LARP4: variants seen among roughly 807,000 people sequenced by gnomAD.
The protein encoded by LARP4 is La ribonucleoprotein 4.
A neutral mutation model predicts 92.9 loss-of-function variants in LARP4; 29 were observed. That is an observed-to-expected ratio of 0.31 (90% CI 0.23 to 0.43). LARP4 has a LOEUF of 0.43. Among genes scored for constraint, LARP4 ranks in the 20% least tolerant of loss-of-function variants. The probability of loss-of-function intolerance (pLI) is 1.00; values close to 1 mark genes in which losing one functional copy is unlikely to be tolerated. For missense variants in LARP4, 732 were observed against 860.0 expected (o/e 0.85, Z 1.86); for synonymous variants, 279 against 284.1 (o/e 0.98, Z 0.18).
At chr12:50,443,738 C>A (rs1036421571) in intron 8 of LARP4, among the ~76,000 whole-genome samples, 1 of 152,094 alleles carries the variant, frequency 6.6e-6, no homozygotes, top group Non-Finnish European at 1.5e-5. Flanking sequence ...CAGCCTCCGG[C>A]GTAGCTGGGG....
chr12:50,411,683 C>G lies in LARP4; in HGVS notation c.18+10655C>G, dbSNP rs377278202. Among the ~76,000 whole-genome samples, 95 of 149,394 alleles carry G rather than the reference C, an allele frequency of 6.4e-4. 1 individual carries two copies. The South Asian group carries it at 0.018, about 28-fold the overall frequency. Reference sequence around the variant, plus strand: ...TTTTCTATATTCATTTTTGTTTTTTCTTTTTTCTTTTTTTTGAGATGGAGT... The same window carrying G: ...TTTTCTATATTCATTTTTGTTTTTTGTTTTTTCTTTTTTTTGAGATGGAGT... On this transcript the variant is annotated intron_variant, in intron 1 of 15. Transcript: ENST00000398473.
chr12:50,417,478 C>T (rs1057371130), intron 1 of LARP4, among the ~76,000 whole-genome samples: 2 of 152,100 alleles, frequency 1.3e-5, no homozygotes, highest in Non-Finnish European at 2.9e-5. Context: ...GTCTTCCTCC[C>T]TGAGCTAATT....
intron 12 of LARP4, 122 bp downstream of exon 12, chr12:50,462,752 T>C (rs1227115090): frequency 4.5e-6 from 3 of 661,268 alleles, no homozygotes; most frequent in East Asian, 5.7e-5. Flanking sequence ...CAAAGGTAAA[T>C]AGAGCCTAAA....
chr12:50,409,620 A>C (rs976138551), intron 1 of LARP4, among the ~76,000 whole-genome samples: 2 of 152,008 alleles, frequency 1.3e-5, no homozygotes, highest in African/African-American at 4.8e-5. Flanking sequence ...AAAAAAAATT[A>C]GGCGGGTATA....
chr12:50,470,251 G>A (rs528023390), intron 13 of LARP4, among the ~76,000 whole-genome samples: 5 of 151,868 alleles, frequency 3.3e-5, no homozygotes, highest in Non-Finnish European at 7.4e-5. Flanking sequence ...TTAATCAGAA[G>A]CTATTTTAGT....
chr12:50,442,141 T>G (rs1951311507), intron 8 of LARP4, among the ~76,000 whole-genome samples: 1 of 152,206 alleles, frequency 6.6e-6, no homozygotes, highest in South Asian at 2.1e-4. Flanking sequence ...GTACAGCAAT[T>G]CTTTACAAAG....
intron 15 of LARP4, among the ~76,000 whole-genome samples, chr12:50,474,410 C>T (rs754920906): frequency 7.9e-5 from 12 of 152,034 alleles, no homozygotes; most frequent in Non-Finnish European, 1.3e-4. Context: ...TGCAGTGGCA[C>T]GATCTCGCGT....
chr12:50,441,836 G>A (rs917852681), intron 8 of LARP4, among the ~76,000 whole-genome samples, 193 bp downstream of exon 8: 1 of 152,202 alleles, frequency 6.6e-6, no homozygotes, highest in African/African-American at 2.4e-5. Context: ...ATAGCATGAC[G>A]CCAGGAGTTC....
At chr12:50,464,800 C>T (rs772046829) in intron 12 of LARP4, among the ~76,000 whole-genome samples, 1 of 152,030 alleles carries the variant, frequency 6.6e-6, no homozygotes, top group African/African-American at 2.4e-5. Flanking sequence ...AAGTGATTCT[C>T]TTGCCTCAGT....
intron 4 of LARP4, among the ~76,000 whole-genome samples, chr12:50,434,453 T>C (rs1950130456): frequency 6.6e-6 from 1 of 150,828 alleles, no homozygotes; most frequent in Non-Finnish European, 1.5e-5. Flanking sequence ...AGTTTCGCCC[T>C]TGTTGCCCCA....
intron 1 of LARP4, among the ~76,000 whole-genome samples, chr12:50,403,826 G>C (rs181096724): frequency 1.3e-5 from 2 of 152,154 alleles, no homozygotes; most frequent in Non-Finnish European, 2.9e-5. Context: ...GTATATACTT[G>C]TATCGTGCTT....
intron 1 of LARP4, among the ~76,000 whole-genome samples, chr12:50,409,341 C>T (rs921943482): frequency 2.6e-5 from 4 of 151,982 alleles, no homozygotes; most frequent in Non-Finnish European, 4.4e-5. Flanking sequence ...ATATCTATCA[C>T]GTAGGGATGT....
chr12:50,462,649 T>C lies in LARP4; in HGVS notation c.1383+19T>C, dbSNP rs371332586. The C allele has an allele frequency of 2.0e-6, 3 of 1,537,902 alleles. No individual in the cohort carries two copies. The highest frequency in any genetic ancestry group is 2.7e-5 in the African/African-American group (2 of 72,768). On this transcript the variant is annotated intron_variant, in intron 12 of 15. Coordinates refer to ENST00000398473, the MANE Select transcript of LARP4 (RefSeq NM_052879.5). ...GATCTCAGTAAGTTTTTTAAAACTTTTATTCAGACTTTTTTCTCTTCTGTG... is the reference window on the plus strand; with the variant it reads ...GATCTCAGTAAGTTTTTTAAAACTTCTATTCAGACTTTTTTCTCTTCTGTG...
chr12:50,407,627 T>C (rs1423542151), intron 1 of LARP4, among the ~76,000 whole-genome samples: 2 of 152,054 alleles, frequency 1.3e-5, no homozygotes, highest in African/African-American at 4.8e-5. Context: ...AGTGGATCAC[T>C]TGAGGCCAGG....
At chr12:50,417,248 C>T (rs1055609571) in intron 1 of LARP4, among the ~76,000 whole-genome samples, 5 of 151,424 alleles carry the variant, frequency 3.3e-5, no homozygotes, top group Admixed American at 2.0e-4. Flanking sequence ...TGGTGATGGG[C>T]GCATGTAATC....
intron 1 of LARP4, among the ~76,000 whole-genome samples, chr12:50,423,005 C>T (rs1382088061): frequency 6.6e-6 from 1 of 151,466 alleles, no homozygotes; most frequent in Non-Finnish European, 1.5e-5. Flanking sequence ...TGTTTAGTAG[C>T]GACGGGGTTT....
chr12:50,443,726 C>T (rs1051019488), intron 8 of LARP4, among the ~76,000 whole-genome samples: 1 of 152,190 alleles, frequency 6.6e-6, no homozygotes, highest in Non-Finnish European at 1.5e-5. Flanking sequence ...ATTCTCCTGC[C>T]TCAGCCTCCG....
At position 50,417,465 on chromosome 12, in the gene LARP4, G is replaced by A. The variant is rs185136438; in HGVS notation, c.19-10297G>A. 1.1e-3 allele frequency among the ~76,000 whole-genome samples: 171 copies of A among 152,182 alleles called. 2 individuals carry two copies. Among genetic ancestry groups the A allele is most frequent in the African/African-American group, 3.9e-3 (163 of 41,508 alleles). On this transcript the variant is annotated intron_variant, in intron 1 of 15. Transcript: ENST00000398473. ...TCCTGGTGGGGCTGTTTGAAAACTA[G>A]TTGTCTTCCTCCCTGAGCTAATTAC...
At chr12:50,437,064 A>C (rs1950552486) in intron 5 of LARP4, among the ~76,000 whole-genome samples, 1 of 152,218 alleles carries the variant, frequency 6.6e-6, no homozygotes, top group Admixed American at 6.5e-5. Context: ...GGCACTTATT[A>C]TACCTATGCC....
Sources: gnomAD v4.1 joint callset for allele counts (sites outside exome capture counted in the v4.1 genomes callset) on GRCh38, gnomAD v4.1.1 for gene constraint, MANE v1.5 for transcripts, NCBI Gene and HGNC (gene_info 2026-07-23, HGNC 2026-07-21) for gene names.